The following RSU1 variants were observed in gnomAD, a reference collection of about 807,000 sequenced individuals.
The protein encoded by RSU1 is rsu-1.
In RSU1, 26 loss-of-function variants were observed where a neutral mutation model predicts 31.1. The ratio of observed to expected loss-of-function variants is 0.84; its 90% CI spans 0.61 to 1.16. The LOEUF is 1.16. Ranked by LOEUF, RSU1 falls within the 50% of genes most tolerant of loss-of-function variation. RSU1 has a pLI of 0.00. For synonymous variants in RSU1, 164 were observed against 136.3 expected, an observed-to-expected ratio of 1.20 and a Z score of -1.41; for missense variants, 320 against 339.1, an observed-to-expected ratio of 0.94 and a Z score of 0.44.
intron 7 of RSU1, among the ~76,000 whole-genome samples, chr10:16,711,530 T>C (rs1048442970): frequency 8.5e-5 from 13 of 152,206 alleles, no homozygotes; most frequent in Non-Finnish European, 5.9e-5. Context: ...TGTATTGCTA[T>C]AAAATTCCCT....
intron 8 of RSU1, among the ~76,000 whole-genome samples, chr10:16,645,743 G>T (rs949964916): frequency 1.3e-5 from 2 of 150,450 alleles, no homozygotes; most frequent in African/African-American, 2.5e-5. Flanking sequence ...GGAGGCGGAG[G>T]TTGCAGTAAG....
intron 2 of RSU1, among the ~76,000 whole-genome samples, chr10:16,814,257 T>C (rs371466309): frequency 2.0e-5 from 3 of 151,970 alleles, no homozygotes; most frequent in African/African-American, 7.3e-5. Context: ...CTGGGCAGCA[T>C]AGCAAGACCC....
chr10:16,792,284 G>C (rs1027686537), intron 2 of RSU1, among the ~76,000 whole-genome samples: 2 of 152,224 alleles, frequency 1.3e-5, no homozygotes, highest in African/African-American at 4.8e-5. Context: ...GCAGGCTGGA[G>C]TGCAGTGGCA....
intron 8 of RSU1, among the ~76,000 whole-genome samples, chr10:16,603,523 G>A (rs1833747886): frequency 6.6e-6 from 1 of 152,224 alleles, no homozygotes; most frequent in African/African-American, 2.4e-5. Flanking sequence ...ATGCAGTTCA[G>A]GAGGTATGTT....
intron 7 of RSU1, among the ~76,000 whole-genome samples, chr10:16,703,075 G>C (rs1489451004): frequency 6.6e-6 from 1 of 152,030 alleles, no homozygotes; most frequent in Non-Finnish European, 1.5e-5. Flanking sequence ...TTCCTTTCTT[G>C]CTCCTGCTCC....
chr10:16,605,623 A>G (rs1020888536), intron 8 of RSU1, among the ~76,000 whole-genome samples: 2 of 152,098 alleles, frequency 1.3e-5, no homozygotes, highest in Non-Finnish European at 2.9e-5. Context: ...TGATGTCCTC[A>G]ATTCCACGCT....
At chr10:16,650,838 C>T (rs984792374) in intron 8 of RSU1, among the ~76,000 whole-genome samples, 1 of 152,066 alleles carries the variant, frequency 6.6e-6, no homozygotes, top group Non-Finnish European at 1.5e-5. Flanking sequence ...GCCTTGGCCT[C>T]CCAAAGTGCT....
chr10:16,709,302 A>G (rs1398733914), intron 7 of RSU1, among the ~76,000 whole-genome samples: 2 of 152,174 alleles, frequency 1.3e-5, no homozygotes, highest in Non-Finnish European at 2.9e-5. Flanking sequence ...AATTTCATCC[A>G]TGTACCTACA....
At chr10:16,599,359 C>G (rs555872822) in intron 8 of RSU1, among the ~76,000 whole-genome samples, 1 of 152,322 alleles carries the variant, frequency 6.6e-6, no homozygotes, top group African/African-American at 2.4e-5. Flanking sequence ...AACCATCCCT[C>G]AAACCCGGGC....
chr10:16,765,421 A>G (rs1455817528), intron 3 of RSU1, among the ~76,000 whole-genome samples: 1 of 152,224 alleles, frequency 6.6e-6, no homozygotes, highest in Non-Finnish European at 1.5e-5. Flanking sequence ...TAGAAATACA[A>G]AAAGTCAACT....
At chr10:16,815,751 G>A (rs1838515017) in intron 2 of RSU1, among the ~76,000 whole-genome samples, 1 of 152,224 alleles carries the variant, frequency 6.6e-6, no homozygotes, top group South Asian at 2.1e-4. Flanking sequence ...CCTTCACAGA[G>A]GAGGGAAGGG....
At chr10:16,627,891 T>C (rs182315041) in intron 8 of RSU1, among the ~76,000 whole-genome samples, 3 of 152,220 alleles carry the variant, frequency 2.0e-5, no homozygotes, top group Admixed American at 2.0e-4. Flanking sequence ...TAGCCACCCT[T>C]CTTTCCGCCT....
chr10:16,765,188 T>C (rs1407628991), intron 3 of RSU1, among the ~76,000 whole-genome samples: 1 of 152,222 alleles, frequency 6.6e-6, no homozygotes, highest in African/African-American at 2.4e-5. Flanking sequence ...ATGATGTACA[T>C]TGAAGCTGCT....
chr10:16,630,041 CTCTT>C (rs1564291445), intron 8 of RSU1, among the ~76,000 whole-genome samples: 2 of 151,962 alleles, frequency 1.3e-5, no homozygotes, highest in African/African-American at 2.4e-5. Context: ...TTTATGGATG[CTCTT>C]TGTTTACTTT....
intron 7 of RSU1, among the ~76,000 whole-genome samples, chr10:16,741,998 T>C (rs770203997): frequency 4.6e-5 from 7 of 152,092 alleles, no homozygotes; most frequent in Non-Finnish European, 1.0e-4. Flanking sequence ...ATATAATGTA[T>C]ATGGGGTTGG....
chr10:16,696,866 G>A (rs896965578), intron 7 of RSU1, among the ~76,000 whole-genome samples: 2 of 151,972 alleles, frequency 1.3e-5, no homozygotes, highest in Non-Finnish European at 2.9e-5. Flanking sequence ...ACTTAGGGAG[G>A]GGGTTTTTAG....
At chr10:16,679,902 G>C (rs1274410164) in intron 8 of RSU1, among the ~76,000 whole-genome samples, 1 of 127,014 alleles carries the variant, frequency 7.9e-6, no homozygotes, top group Non-Finnish European at 1.6e-5. Context: ...TTTTTTATGA[G>C]ACAGAGTCTC....
intron 3 of RSU1, among the ~76,000 whole-genome samples, chr10:16,768,191 T>C (rs1837352708): frequency 6.6e-6 from 1 of 152,172 alleles, no homozygotes; most frequent in African/African-American, 2.4e-5. Flanking sequence ...GACCCTACAG[T>C]GCTGTGTGTG....
intron 7 of RSU1, among the ~76,000 whole-genome samples, chr10:16,698,251 G>A (rs1835721495): frequency 6.6e-6 from 1 of 151,976 alleles, no homozygotes; most frequent in Non-Finnish European, 1.5e-5. Flanking sequence ...TGCATCACAA[G>A]CTCCCTTCCG....
Sources: gnomAD v4.1 joint callset for allele counts (sites outside exome capture counted in the v4.1 genomes callset) on GRCh38, gnomAD v4.1.1 for gene constraint, MANE v1.5 for transcripts, NCBI Gene and HGNC (gene_info 2026-07-23, HGNC 2026-07-21) for gene names.